The following ZNF197 variants were observed in gnomAD, a reference collection of about 807,000 sequenced individuals.
ZNF197 encodes VHL-associated KRAB-A domain-containing protein.
Under a neutral mutation model 27.4 loss-of-function variants are expected in ZNF197, and 14 were observed. The ratio of observed to expected loss-of-function variants is 0.51; its 90% CI spans 0.34 to 0.80. The LOEUF is 0.80. ZNF197 is among the 30% of genes least tolerant of loss of function. The pLI is 0.02. For synonymous variants in ZNF197, 415 were observed against 420.0 expected (o/e 0.99, Z 0.15); for missense variants, 1,090 against 1,222.6 (o/e 0.89, Z 1.62).
chr3:44,633,532 C>T (rs554352862), intron 5 of ZNF197, among the ~76,000 whole-genome samples: 1 of 152,310 alleles, frequency 6.6e-6, no homozygotes, highest in East Asian at 1.9e-4. Context: ...TATACTGGAA[C>T]TTGAAGAAAA....
At position 44,642,630 on chromosome 3, in the gene ZNF197, T is replaced by G; in HGVS notation, c.1500T>G (p.His500Gln). Residue 500 changes from histidine to glutamine, a missense_variant, in exon 6 of 6, where the codon CAT (histidine) becomes CAG (glutamine). Physicochemically the swap from His to Gln is conservative, Grantham distance 24 (BLOSUM62 0). Coordinates refer to ENST00000344387, the MANE Select transcript of ZNF197 (RefSeq NM_006991.5). ...VFSQNAYLIDHQRLHKGEEPY... is the reference protein window; with the variant it reads ...VFSQNAYLIDQQRLHKGEEPY... ...CTCAGAATGCTTACCTCATTGACCA[T>G]CAGAGGCTCCACAAAGGGGAAGAAC... The G allele has an allele frequency of 1.2e-6, 2 of 1,614,024 alleles. No homozygotes were observed. Among genetic ancestry groups the G allele is most frequent in the Non-Finnish European group, 1.7e-6 (2 of 1,180,016 alleles).
intron 5 of ZNF197, among the ~76,000 whole-genome samples, chr3:44,634,711 A>G (rs1259820801): frequency 6.6e-6 from 1 of 152,150 alleles, no homozygotes; most frequent in African/African-American, 2.4e-5. Flanking sequence ...CAGCCTCCCA[A>G]AGTGCTGGGA....
intron 5 of ZNF197, among the ~76,000 whole-genome samples, chr3:44,634,977 C>A (rs146928915): frequency 4.6e-5 from 7 of 152,220 alleles, no homozygotes; most frequent in Non-Finnish European, 8.8e-5. Flanking sequence ...ATGCACCACC[C>A]TCCAAGCTTG....
chr3:44,634,034 T>A (rs1185998475), intron 5 of ZNF197, among the ~76,000 whole-genome samples: 1 of 152,200 alleles, frequency 6.6e-6, no homozygotes, highest in African/African-American at 2.4e-5. Context: ...TTGATACATA[T>A]TACCAAATTA....
rs750734148 is a variant in ZNF197 at position 44,632,459 on chromosome 3, A to C, written c.643-14A>C. 1.3e-5 allele frequency: 21 copies of C among 1,575,938 alleles called. No homozygotes were observed. On this transcript the variant is annotated splice_polypyrimidine_tract_variant and intron_variant, in intron 4 of 5. Transcript: ENST00000344387. ...CCTGGGCATTGGTAATCTCACACACACTTGTTATTTCAGGAGTTGGTGATG... is the reference window on the plus strand; with the variant it reads ...CCTGGGCATTGGTAATCTCACACACCCTTGTTATTTCAGGAGTTGGTGATG...
At position 44,642,774 on chromosome 3, in the gene ZNF197, T is replaced by A. The variant is rs764405131; in HGVS notation, c.1644T>A (p.Ala548=). 1.2e-6 allele frequency: 2 copies of A among 1,613,680 alleles called. No individual in the cohort carries two copies. The highest frequency in any genetic ancestry group is 1.7e-5 in the Admixed American group (1 of 59,960). Residue 548 remains alanine, a synonymous_variant, in exon 6 of 6, where the codon GCT becomes GCA. Transcript: ENST00000344387. The part of the protein sequence containing the change: ...YKCDECGKTF[A]QTTYLIDHQR... Reference sequence around the variant, plus strand: ...GTGATGAATGTGGAAAGACCTTTGCTCAGACCACTTATCTTATTGACCATC... The same window carrying A: ...GTGATGAATGTGGAAAGACCTTTGCACAGACCACTTATCTTATTGACCATC...
In ZNF197 at chr3:44,629,381, G is replaced by A. The variant is rs763091725; in HGVS notation, c.227G>A (p.Arg76His). The part of the protein sequence containing the change: ...LCRRWLRPEA[R>H]TKAQILELLV... ...CGCCGGTGGCTGAGACCAGAAGCAC[G>A]CACCAAGGCACAGATCCTGGAGCTG... Residue 76 changes from arginine to histidine, a missense_variant, in exon 2 of 6, where the codon CGC (arginine) becomes CAC (histidine). Coordinates refer to ENST00000344387, the MANE Select transcript of ZNF197 (RefSeq NM_006991.5). 4.3e-6 allele frequency: 7 copies of A among 1,614,080 alleles called. No individual in the cohort carries two copies. The highest frequency in any genetic ancestry group is 2.2e-5 in the East Asian group (1 of 44,860).
intron 5 of ZNF197, among the ~76,000 whole-genome samples, chr3:44,638,893 C>G (rs1038151177): frequency 6.6e-6 from 1 of 152,016 alleles, no homozygotes; most frequent in East Asian, 1.9e-4. Flanking sequence ...TTATTTTTTT[C>G]TGTAAAGACA....
intron 4 of ZNF197, 91 bp downstream of exon 4, chr3:44,632,287 G>T (rs1702059056): frequency 2.6e-6 from 4 of 1,534,896 alleles, no homozygotes; most frequent in Admixed American, 3.4e-5. Context: ...TGTCCAGTCA[G>T]TTCCCATTTC....
At position 44,634,035 on chromosome 3, in the gene ZNF197, T is replaced by C. The variant is rs1426071280; in HGVS notation, c.769+1436T>C. On this transcript the variant is annotated intron_variant, in intron 5 of 5. Coordinates refer to ENST00000344387, the MANE Select transcript of ZNF197 (RefSeq NM_006991.5). ...GTAGATTTTATACTTTGATACATAT[T>C]ACCAAATTATTTTCTACCAATGATA... 2.0e-5 allele frequency among the ~76,000 whole-genome samples: 3 copies of C among 152,340 alleles called. No homozygotes were observed. The East Asian group carries it at 5.8e-4, about 29-fold the overall frequency.
Position 44,644,771 on chromosome 3 carries a change from G to A in ZNF197, c.*551G>A. On this transcript the variant is annotated 3_prime_UTR_variant, in exon 6 of 6. Transcript: ENST00000344387. ...GCAGTGGCTCACTCCTGTAGTCCCA[G>A]GACTTTGGGAGGCCGAGGTGGGAAG... is the stretch of plus-strand genomic sequence containing the variant. 2.0e-6 allele frequency: 2 copies of A among 985,456 alleles called. No individual in the cohort carries two copies. The highest frequency in any genetic ancestry group is 2.4e-6 in the Non-Finnish European group (2 of 829,940). The allele number at this position is 985,456 out of a possible 1,614,324, so 61.0% of individuals were successfully genotyped here.
intron 3 of ZNF197, 130 bp downstream of exon 3, chr3:44,631,351 T>A: frequency 8.9e-7 from 1 of 1,125,922 alleles, no homozygotes. Flanking sequence ...TTCTTTCTGC[T>A]GTTCTGTTGT....
intron 5 of ZNF197, among the ~76,000 whole-genome samples, chr3:44,634,993 T>C (rs1702205452): frequency 6.6e-6 from 1 of 152,130 alleles, no homozygotes; most frequent in Non-Finnish European, 1.5e-5. Flanking sequence ...GCTTGTTTTT[T>C]AATCCAAGTA....
rs914108018 is a variant in ZNF197, at chr3:44,644,428, C to T, written c.*208C>T. 1.6e-6 allele frequency: 2 copies of T among 1,222,582 alleles called. No homozygotes were observed. The highest frequency in any genetic ancestry group is 2.2e-5 in the South Asian group (1 of 45,058). 75.7% of individuals were successfully genotyped at this position (1,222,582 alleles called of 1,614,324 possible). A position where few individuals can be genotyped will look rare whatever the true frequency, so the allele number is the denominator to read the frequency against. On this transcript the variant is annotated 3_prime_UTR_variant, in exon 6 of 6. Coordinates refer to ENST00000344387, the MANE Select transcript of ZNF197 (RefSeq NM_006991.5). ...CCGAAGCGAGTGGATCACCTGAGGT[C>T]AGGATTTTGAGACCAGCCTGACCAA...
At position 44,646,803 on chromosome 3, in the gene ZNF197, A is replaced by G. The variant is rs373461263; in HGVS notation, c.*2583A>G. 7 of 363,190 alleles carry G rather than the reference A, an allele frequency of 1.9e-5. No individual in the cohort carries two copies. Among genetic ancestry groups the G allele is most frequent in the African/African-American group, 1.5e-4 (7 of 47,564 alleles). The allele number at this position is 363,190 out of a possible 1,614,324, so 22.5% of individuals were successfully genotyped here. A position where few individuals can be genotyped will look rare whatever the true frequency, so the allele number is the denominator to read the frequency against. On this transcript the variant is annotated 3_prime_UTR_variant, in exon 6 of 6. Coordinates refer to ENST00000344387, the MANE Select transcript of ZNF197 (RefSeq NM_006991.5). ...AAGAACCAGAAATAGACTCACATAA[A>G]TGGCCAATTGATTTTTGACAGGGGC...
In ZNF197 at chr3:44,645,294, C is replaced by T; in HGVS notation, c.*1074C>T. 1 of 985,256 alleles carries T rather than the reference C, an allele frequency of 1.0e-6. No homozygotes were observed. Among genetic ancestry groups the T allele is most frequent in the Non-Finnish European group, 1.2e-6 (1 of 829,894 alleles). The allele number at this position is 985,256 out of a possible 1,614,324, so 61.0% of individuals were successfully genotyped here. A position where few individuals can be genotyped will look rare whatever the true frequency, so the allele number is the denominator to read the frequency against. On this transcript the variant is annotated 3_prime_UTR_variant, in exon 6 of 6. Transcript: ENST00000344387. Reference sequence around the variant, plus strand: ...ATGGTAAAAGTTTAGAACATGGGATCATGTAAGTTTGTGTATTAAGTCAAT... The same window carrying T: ...ATGGTAAAAGTTTAGAACATGGGATTATGTAAGTTTGTGTATTAAGTCAAT...
chr3:44,634,927 A>C (rs1575474965), intron 5 of ZNF197, among the ~76,000 whole-genome samples: 1 of 141,792 alleles, frequency 7.1e-6, no homozygotes, highest in Non-Finnish European at 1.6e-5. Context: ...CCTCAAGCAA[A>C]CCTCCCACCC....
intron 5 of ZNF197, among the ~76,000 whole-genome samples, chr3:44,638,851 C>A (rs1702446713): frequency 6.6e-6 from 1 of 152,156 alleles, no homozygotes; most frequent in Non-Finnish European, 1.5e-5. Context: ...CACAGGCACA[C>A]ACCAAGCTAA....
intron 4 of ZNF197, 45 bp from the exon 5 acceptor site, chr3:44,632,428 C>T: frequency 6.5e-7 from 1 of 1,550,344 alleles, no homozygotes; most frequent in Non-Finnish European, 8.7e-7. Flanking sequence ...TTTCGACAGG[C>T]AAGTTCCTGG....
Sources: allele counts gnomAD v4.1 joint callset (sites outside exome capture counted in the v4.1 genomes callset), GRCh38; gene constraint gnomAD v4.1.1; transcripts MANE v1.5; gene names NCBI Gene and HGNC (gene_info 2026-07-23, HGNC 2026-07-21).